Variants in PKD2L2 observed in about 807,000 individuals in gnomAD.
PKD2L2 encodes polycystin-2-like protein 2.
Under a neutral mutation model 83.9 loss-of-function variants are expected in PKD2L2, and 67 were observed. The ratio of observed to expected loss-of-function variants is 0.80; its 90% CI spans 0.66 to 0.98. PKD2L2 has a LOEUF of 0.98. Among genes scored for constraint, PKD2L2 ranks in the 50% least tolerant of loss-of-function variants. The pLI, the probability that PKD2L2 is intolerant of heterozygous loss-of-function variation, is 0.00. For missense variants in PKD2L2, 632 were observed against 717.2 expected (o/e 0.88, Z 1.36); for synonymous variants, 223 against 237.8 (o/e 0.94, Z 0.57).
At chr5:137,942,023 A>C in intron 14 of PKD2L2, 2 of 1,613,980 alleles carry the variant, frequency 1.2e-6, no homozygotes, top group Non-Finnish European at 1.7e-6. Flanking sequence ...CTGGCTTTCC[A>C]AAGTTGTTCC....
Position 137,895,274 on chromosome 5 carries a change from T to A in PKD2L2, c.524+665T>A, listed in dbSNP as rs111766912. 5.7e-3 allele frequency among the ~76,000 whole-genome samples: 872 copies of A among 151,708 alleles called. 13 individuals carry two copies. Among genetic ancestry groups the A allele is most frequent in the Admixed American group, 0.026 (402 of 15,238 alleles). On this transcript the variant is annotated intron_variant, in intron 4 of 14. Coordinates refer to ENST00000508883, the MANE Select transcript of PKD2L2 (RefSeq NM_001300921.2). ...CTTGAGGGCAGGAGTTCGAGACTAGTCTGGGCAACATACTGAGACCTAGTC... is the reference window on the plus strand; with the variant it reads ...CTTGAGGGCAGGAGTTCGAGACTAGACTGGGCAACATACTGAGACCTAGTC...
chr5:137,893,174 T>C (rs1017974930), intron 3 of PKD2L2, among the ~76,000 whole-genome samples: 1 of 152,208 alleles, frequency 6.6e-6, no homozygotes, highest in African/African-American at 2.4e-5. Flanking sequence ...TAATTGTGTA[T>C]AGTGAAATTT....
chr5:137,906,370 TAAAAG>T lies in PKD2L2; in HGVS notation c.914_918del (p.Lys305IlefsTer2), dbSNP rs778357132. 4.4e-5 allele frequency: 71 copies of T among 1,610,556 alleles called. No homozygotes were observed. The highest frequency in any genetic ancestry group is 5.7e-5 in the Non-Finnish European group (67 of 1,177,538). ...TTCACAACACAAGAAGTCAAAAAAA[TAAAAG>T]AATTTAAGTCTGCCTATTTCAAAAG... On this transcript the variant is annotated frameshift_variant, in exon 6 of 15. Transcript: ENST00000508883. LOFTEE classifies it high-confidence loss of function.
chr5:137,935,773 T>G, intron 12 of PKD2L2, 24 bp from the exon 13 acceptor site: 1 of 1,262,210 alleles, frequency 7.9e-7, no homozygotes, highest in South Asian at 1.2e-5. Context: ...GATTGCAGCC[T>G]TTACTTGTCC....
At chr5:137,898,020 GCA>G (rs1201071597) in intron 4 of PKD2L2, among the ~76,000 whole-genome samples, 5 of 150,798 alleles carry the variant, frequency 3.3e-5, no homozygotes, top group Non-Finnish European at 7.4e-5. Flanking sequence ...AGACTGGAGT[GCA>G]GTGGCGCAGT....
intron 5 of PKD2L2, among the ~76,000 whole-genome samples, chr5:137,902,534 A>AT (rs947460659): frequency 1.6e-4 from 24 of 151,392 alleles, no homozygotes; most frequent in East Asian, 7.8e-4. Flanking sequence ...CTTCCCTATG[A>AT]TTTTTTTTTA....
chr5:137,928,383 C>CAAAAAAAAAA (rs57825667), intron 12 of PKD2L2, among the ~76,000 whole-genome samples: 1 of 111,492 alleles, frequency 9.0e-6, no homozygotes, highest in East Asian at 2.7e-4. Context: ...ACAAAAAGTA[C>CAAAAAAAAAA]AAAAAAAAAA....
At chr5:137,914,879 T>C (rs1334448833) in intron 8 of PKD2L2, among the ~76,000 whole-genome samples, 5 of 152,088 alleles carry the variant, frequency 3.3e-5, no homozygotes, top group Non-Finnish European at 7.4e-5. Flanking sequence ...TCTATTAAGA[T>C]AATCATATGG....
chr5:137,934,070 G>A (rs1461034026), intron 12 of PKD2L2, among the ~76,000 whole-genome samples: 1 of 152,138 alleles, frequency 6.6e-6, no homozygotes, highest in Admixed American at 6.6e-5. Flanking sequence ...GAGGGAGTTT[G>A]GTATACAGAA....
intron 12 of PKD2L2, among the ~76,000 whole-genome samples, chr5:137,928,630 C>T (rs1759582320): frequency 6.6e-6 from 1 of 152,172 alleles, no homozygotes; most frequent in South Asian, 2.1e-4. Flanking sequence ...TGAGGTTTCA[C>T]CATGCTACCC....
At position 137,914,031 on chromosome 5, in the gene PKD2L2, CTTTTTTTTTTTTTTTTTTTTTT is replaced by C. The variant is rs58118724; in HGVS notation, c.1328+5103_1328+5124del. On this transcript the variant is annotated intron_variant, in intron 8 of 14. Transcript: ENST00000508883. ...TACAGTCATGCACCACCACACTTGG[CTTTTTTTTTTTTTTTTTTTTTT>C]TTTTTTTTTTTTTTTTTGATAGAGA... Among the ~76,000 whole-genome samples, 15 of 42,302 alleles carry C rather than the reference CTTTTTTTTTTTTTTTTTTTTTT, an allele frequency of 3.5e-4. No homozygotes were observed. The Admixed American group carries it at 3.6e-3, about 10-fold the overall frequency. The allele number at this position is 42,302 out of a possible 152,430, so 27.8% of individuals were successfully genotyped here.
intron 4 of PKD2L2, among the ~76,000 whole-genome samples, chr5:137,896,104 G>GAGGC (rs1756445749): frequency 6.6e-6 from 1 of 151,340 alleles, no homozygotes; most frequent in Non-Finnish European, 1.5e-5. Flanking sequence ...TTGAACCCAG[G>GAGGC]AGGCACAGGT....
intron 14 of PKD2L2, chr5:137,938,540 A>G (rs1760786000): frequency 6.6e-6 from 1 of 152,626 alleles, no homozygotes; most frequent in African/African-American, 2.4e-5. Context: ...TTCTAGGTAT[A>G]CATTATGAAT....
chr5:137,935,909 A>T lies in PKD2L2; in HGVS notation c.1784A>T (p.Glu595Val), dbSNP rs1378887901. ...YQPVTQEEFR[E>V]LFLYAVELEK... Reference sequence around the variant, plus strand: ...CCTGTCACTCAAGAAGAATTTCGAGAGTAAGCTTATGTTCTAACCAGACTA... The same window carrying T: ...CCTGTCACTCAAGAAGAATTTCGAGTGTAAGCTTATGTTCTAACCAGACTA... Residue 595 changes from glutamate to valine, a missense_variant and splice_region_variant, in exon 13 of 15, where the codon GAA becomes GTA. Glu to Val is a moderately radical substitution (Grantham distance 121). Around this residue, in one of 3 missense-constraint regions of PKD2L2, gnomAD observed 399 missense variants for 416.9 expected, o/e 0.96. Transcript: ENST00000508883. 6.8e-7 allele frequency: 1 copy of T among 1,474,692 alleles called. No homozygotes were observed. Among genetic ancestry groups the T allele is most frequent in the Non-Finnish European group, 9.5e-7 (1 of 1,053,406 alleles). The allele number at this position is 1,474,692 out of a possible 1,614,324, so 91.4% of individuals were successfully genotyped here. A position where few individuals can be genotyped will look rare whatever the true frequency, so the allele number is the denominator to read the frequency against.
At chr5:137,925,180 TTTG>T in intron 11 of PKD2L2, 76 bp downstream of exon 11, 3 of 918,054 alleles carry the variant, frequency 3.3e-6, no homozygotes, top group South Asian at 1.5e-5. Context: ...TAAGGTTTTT[TTTG>T]TTTTTTGTTT....
chr5:137,933,690 C>CT (rs1169514835), intron 12 of PKD2L2, among the ~76,000 whole-genome samples: 1 of 152,178 alleles, frequency 6.6e-6, no homozygotes, highest in Non-Finnish European at 1.5e-5. Flanking sequence ...GTGGTCCTGC[C>CT]TTTAACAGAA....
chr5:137,936,287 G>C, intron 13 of PKD2L2, 33 bp from the exon 14 acceptor site: 11 of 1,512,076 alleles, frequency 7.3e-6, no homozygotes, highest in Non-Finnish European at 9.8e-6. Context: ...GTTTATTACT[G>C]ACTCATTCTC....
Position 137,906,399 on chromosome 5 carries a change from A to C in PKD2L2, c.940A>C (p.Ser314Arg). 6.2e-7 allele frequency: 1 copy of C among 1,608,838 alleles called. No individual in the cohort carries two copies. Among genetic ancestry groups the C allele is most frequent in the Non-Finnish European group, 8.5e-7 (1 of 1,176,026 alleles). The part of the protein sequence containing the change: ...IKEFKSAYFK[S>R]IWNWLELLLL... ...AGAATTTAAGTCTGCCTATTTCAAA[A>C]GTATTTGGAACTGGCTAGAATTGCT... The change falls in exon 6 of 15, where the codon AGT (serine) becomes CGT (arginine). Residue 314 changes from serine to arginine, a missense_variant. By Grantham distance (110) the Ser-to-Arg change is moderately radical. This residue lies in a region of PKD2L2 where 399 missense variants were observed against 416.9 expected (regional missense o/e 0.96). Coordinates refer to ENST00000508883, the MANE Select transcript of PKD2L2 (RefSeq NM_001300921.2).
Position 137,925,912 on chromosome 5 carries a change from G to A in PKD2L2, c.1654G>A (p.Glu552Lys), listed in dbSNP as rs994355532. 6.3e-7 allele frequency: 1 copy of A among 1,594,518 alleles called. No homozygotes were observed. Among genetic ancestry groups the A allele is most frequent in the East Asian group, 2.2e-5 (1 of 44,696 alleles). Residue 552 changes from glutamate (E) to lysine (K), a missense_variant, in exon 12 of 15, where the codon GAA (glutamate) becomes AAA (lysine). Physicochemically the swap from Glu to Lys is moderately conservative, Grantham distance 56. Coordinates refer to ENST00000508883, the MANE Select transcript of PKD2L2 (RefSeq NM_001300921.2). Reference sequence around the variant, plus strand: ...AGATTTGGCTGAACAAGCCAGAAGAGAAGGCTTTGACGAAAATGTAAGATT... The same window carrying A: ...AGATTTGGCTGAACAAGCCAGAAGAAAAGGCTTTGACGAAAATGTAAGATT... ...SGDLAEQARR[E>K]GFDENEIQNA...
Sources: gnomAD v4.1 joint callset for allele counts (sites outside exome capture counted in the v4.1 genomes callset) on GRCh38, gnomAD v4.1.1 for gene constraint, gnomAD v4.1.1 regional missense constraint, MANE v1.5 for transcripts, NCBI Gene and HGNC (gene_info 2026-07-23, HGNC 2026-07-21) for gene names.